Variants in PTHLH observed in about 807,000 individuals in gnomAD.
PTHLH encodes the protein parathyroid hormone-related protein.
A neutral mutation model predicts 18.6 loss-of-function variants in PTHLH; 5 were observed. The observed-to-expected ratio is 0.27, with a 90% confidence interval of 0.14 to 0.56. The LOEUF (loss-of-function observed/expected upper bound fraction) is 0.56. Among genes scored for constraint, PTHLH ranks in the 20% least tolerant of loss-of-function variants. The pLI, the probability that PTHLH is intolerant of heterozygous loss-of-function variation, is 0.92. For missense variants in PTHLH, 207 were observed against 223.9 expected (o/e 0.92, Z 0.48); for synonymous variants, 90 against 94.0 (o/e 0.96, Z 0.25).
chr12:27,971,997 T>A lies in PTHLH; in HGVS notation c.-336A>T, dbSNP rs2062875186. The A allele has an allele frequency of 8.2e-6, 1 of 122,698 alleles. No individual in the cohort carries two copies. 7.6% of individuals were successfully genotyped at this position (122,698 alleles called of 1,614,324 possible). A position where few individuals can be genotyped will look rare whatever the true frequency, so the allele number is the denominator to read the frequency against. ...AAAAGATGCAGGAGCCCTAATGTAA[T>A]CGTTAGATCTGAAGGGGGAAATCTG... On this transcript the variant is annotated 5_prime_UTR_variant, in exon 2 of 6. Transcript: ENST00000545234.
rs562800782 is a variant in PTHLH, at chr12:27,958,727, G to A, written c.525-159C>T. On this transcript the variant is annotated intron_variant, in intron 5 of 5. Coordinates refer to ENST00000545234, the MANE Select transcript of PTHLH (RefSeq NM_198965.2). ...AATATCTCCTGCAAGAGGTATCTGT[G>A]GGATCCACCCAGATCTCCATAACCT... 4 of 657,790 alleles carry A rather than the reference G, an allele frequency of 6.1e-6. No homozygotes were observed. The South Asian group carries it at 9.6e-5, about 16-fold the overall frequency. The allele number at this position is 657,790 out of a possible 1,614,324, so 40.7% of individuals were successfully genotyped here.
chr12:27,960,854 A>G (rs2062747171), intron 5 of PTHLH, among the ~76,000 whole-genome samples: 1 of 152,156 alleles, frequency 6.6e-6, no homozygotes, highest in African/African-American at 2.4e-5. Context: ...ACGTTAATAA[A>G]AGACTTATCA....
intron 5 of PTHLH, among the ~76,000 whole-genome samples, chr12:27,961,323 G>GT (rs2062758008): frequency 1.1e-5 from 1 of 91,936 alleles, no homozygotes; most frequent in Non-Finnish European, 2.2e-5. Flanking sequence ...ATATATATAC[G>GT]TATATATATA....
chr12:27,970,027 C>T lies in PTHLH; in HGVS notation c.-25G>A. 1.9e-6 allele frequency: 1 copy of T among 519,040 alleles called. No homozygotes were observed. The highest frequency in any genetic ancestry group is 1.9e-5 in the African/African-American group (1 of 52,076). 32.2% of individuals were successfully genotyped at this position (519,040 alleles called of 1,614,324 possible). Reference sequence around the variant, plus strand: ...TATATACATAGCTGTCTGTCTACCTCCTCTGGTGGGCTGGTTGCTTCCGGA... The same window carrying T: ...TATATACATAGCTGTCTGTCTACCTTCTCTGGTGGGCTGGTTGCTTCCGGA... On this transcript the variant is annotated splice_region_variant and 5_prime_UTR_variant, in exon 3 of 6. Transcript: ENST00000545234.
At chr12:27,966,290 G>A (rs1017963066) in intron 4 of PTHLH, among the ~76,000 whole-genome samples, 2 of 152,170 alleles carry the variant, frequency 1.3e-5, no homozygotes, top group South Asian at 2.1e-4. Context: ...CATTGCTTAC[G>A]AGGGACAAAG....
At position 27,970,174 on chromosome 12, in the gene PTHLH, G is replaced by A. The variant is rs374545547; in HGVS notation, c.-172C>T. On this transcript the variant is annotated 5_prime_UTR_variant, in exon 3 of 6. Coordinates refer to ENST00000545234, the MANE Select transcript of PTHLH (RefSeq NM_198965.2). ...GGAGCGGCAGGGAGGCGGCAGCCCC[G>A]CTTCACGGGCGGGGAGACATGCTGG... The A allele has an allele frequency of 1.9e-6, 1 of 515,680 alleles. No homozygotes were observed. Among genetic ancestry groups the A allele is most frequent in the African/African-American group, 1.9e-5 (1 of 51,894 alleles). The allele number at this position is 515,680 out of a possible 1,614,324, so 31.9% of individuals were successfully genotyped here.
rs1231308971 is a variant in PTHLH at position 27,971,939 on chromosome 12, A to G, written c.-278T>C. On this transcript the variant is annotated 5_prime_UTR_variant, in exon 2 of 6. Coordinates refer to ENST00000545234, the MANE Select transcript of PTHLH (RefSeq NM_198965.2). ...CAGAAATGTCAACCTTTGAACCTCG[A>G]ACACTTTCTGATTTATAAAAAGAAT... is the stretch of plus-strand genomic sequence containing the variant. 6.6e-6 allele frequency: 1 copy of G among 151,666 alleles called. No individual in the cohort carries two copies. The highest frequency in any genetic ancestry group is 1.5e-5 in the Non-Finnish European group (1 of 67,954). 9.4% of individuals were successfully genotyped at this position (151,666 alleles called of 1,614,324 possible).
intron 2 of PTHLH, among the ~76,000 whole-genome samples, chr12:27,970,645 C>T (rs1215436093): frequency 1.3e-5 from 2 of 152,000 alleles, no homozygotes; most frequent in African/African-American, 4.8e-5. Flanking sequence ...GGCGTGCGGA[C>T]TGCCCCGGGC....
chr12:27,963,348 C>T lies in PTHLH; in HGVS notation c.524G>A (p.Arg175Gln). 1 of 1,614,194 alleles carries T rather than the reference C, an allele frequency of 6.2e-7. No homozygotes were observed. The highest frequency in any genetic ancestry group is 8.5e-7 in the Non-Finnish European group (1 of 1,180,042). ...GCTACGGGCCAGAGAAGCCTGTTACCGTGAATCGAGCTCCAGCGACGTTGT... is the reference window on the plus strand; with the variant it reads ...GCTACGGGCCAGAGAAGCCTGTTACTGTGAATCGAGCTCCAGCGACGTTGT... ...TSTTSLELDS[R>Q]RH The change falls in exon 5 of 6, where the codon CGG becomes CAG. Residue 175 changes from arginine (R) to glutamine (Q), a missense_variant and splice_region_variant. Arg to Gln is a conservative substitution (Grantham distance 43, BLOSUM62 1). Transcript: ENST00000545234.
intron 4 of PTHLH, 196 bp downstream of exon 4, chr12:27,969,198 C>T: frequency 5.0e-6 from 3 of 598,300 alleles, no homozygotes; most frequent in Non-Finnish European, 8.9e-6. Context: ...GCCTGTCTCC[C>T]GTTGAAGATC....
intron 5 of PTHLH, among the ~76,000 whole-genome samples, chr12:27,962,165 T>C (rs1357031563): frequency 6.6e-6 from 1 of 152,156 alleles, no homozygotes; most frequent in Non-Finnish European, 1.5e-5. Flanking sequence ...TGGAATGCCT[T>C]GGCTTTCTAT....
At chr12:27,963,963 G>T (rs758918188) in intron 4 of PTHLH, among the ~76,000 whole-genome samples, 193 bp from the exon 5 acceptor site, 49 of 152,234 alleles carry the variant, frequency 3.2e-4, no homozygotes, top group Non-Finnish European at 2.1e-4. Context: ...GAAGGCTCCA[G>T]CTCATGGTCC....
intron 3 of PTHLH, chr12:27,969,721 C>G (rs1324273676): frequency 2.7e-6 from 2 of 745,432 alleles, no homozygotes; most frequent in African/African-American, 3.4e-5. Flanking sequence ...TTTCTCCAAA[C>G]CACACAGCCA....
intron 3 of PTHLH, 157 bp from the exon 4 acceptor site, chr12:27,969,673 G>A: frequency 1.3e-6 from 1 of 779,808 alleles, no homozygotes; most frequent in South Asian, 1.3e-5. Context: ...GAGCCTCTCA[G>A]CACTTACTTA....
At chr12:27,969,321 G>A in intron 4 of PTHLH, 73 bp downstream of exon 4, 5 of 1,407,156 alleles carry the variant, frequency 3.6e-6, no homozygotes, top group Non-Finnish European at 4.8e-6. Context: ...CAAGCCCTCG[G>A]CAGCATCCCA....
Position 27,963,564 on chromosome 12 carries a change from T to C in PTHLH, c.308A>G (p.Tyr103Cys), listed in dbSNP as rs1591848355. The C allele has an allele frequency of 6.2e-7, 1 of 1,614,178 alleles. No individual in the cohort carries two copies. The highest frequency in any genetic ancestry group is 2.2e-5 in the East Asian group (1 of 44,882). The stretch of plus-strand genomic sequence containing the variant: ...CACCTTGTTAGTTTCCTGAGTTAGG[T>C]ATCTGCCCTCATCATCAGACCCAAA... ...VRFGSDDEGRYLTQETNKVET... is the reference protein window; with the variant it reads ...VRFGSDDEGRCLTQETNKVET... Residue 103 changes from tyrosine to cysteine, a missense_variant, in exon 5 of 6, where the codon TAC (tyrosine) becomes TGC (cysteine). By Grantham distance (194) the Tyr-to-Cys change is radical. Transcript: ENST00000545234.
chr12:27,969,857 T>C (rs745408968), intron 3 of PTHLH, 168 bp downstream of exon 3: 8 of 528,148 alleles, frequency 1.5e-5, no homozygotes, highest in Non-Finnish European at 3.0e-5. Context: ...CATAGCAATG[T>C]CTAATTAATC....
intron 4 of PTHLH, 183 bp downstream of exon 4, chr12:27,969,211 C>A: frequency 1.6e-6 from 1 of 606,836 alleles, no homozygotes; most frequent in Non-Finnish European, 2.9e-6. Flanking sequence ...TGAAGATCAA[C>A]CAGTTCTCCT....
At chr12:27,972,041 A>AG (rs1662521370) in intron 1 of PTHLH, 22 bp from the exon 2 acceptor site, 2 of 151,274 alleles carry the variant, frequency 1.3e-5, no homozygotes, top group Admixed American at 1.3e-4. Context: ...AAAAAAAAAA[A>AG]AAAAAAAAAG....
Sources: gnomAD v4.1 joint callset for allele counts (sites outside exome capture counted in the v4.1 genomes callset) on GRCh38, gnomAD v4.1.1 for gene constraint, MANE v1.5 for transcripts, NCBI Gene and HGNC (gene_info 2026-07-23, HGNC 2026-07-21) for gene names.